The following MFSD8 variants were observed in gnomAD, a reference collection of about 807,000 sequenced individuals.
MFSD8 encodes the protein major facilitator superfamily domain-containing protein 8.
In MFSD8, 55 loss-of-function variants were observed where a neutral mutation model predicts 66.4. The ratio of observed to expected loss-of-function variants is 0.83; its 90% CI spans 0.67 to 1.04. The LOEUF (loss-of-function observed/expected upper bound fraction) is 1.04. MFSD8 is among the 50% of genes least tolerant of loss of function. The pLI, the probability that MFSD8 is intolerant of heterozygous loss-of-function variation, is 0.00. For synonymous variants in MFSD8, 202 were observed against 212.8 expected, an observed-to-expected ratio of 0.95 and a Z score of 0.44; for missense variants, 550 against 627.6, an observed-to-expected ratio of 0.88 and a Z score of 1.32.
Position 127,949,920 on chromosome 4 carries a change from C to T in MFSD8, c.155-73G>A, listed in dbSNP as rs558597135. On this transcript the variant is annotated intron_variant, in intron 2 of 11. Coordinates refer to ENST00000641686, the MANE Select transcript of MFSD8 (RefSeq NM_001371596.2). ...TTATTACAGATACAATTTTCTGAAC[C>T]GTGGCATGGATTTTAAAATATTCTG... 1,551 of 1,342,486 alleles carry T rather than the reference C, an allele frequency of 1.2e-3. 41 individuals are homozygous for T. In the South Asian group the frequency reaches 0.02, roughly 17 times the overall value. 83.2% of individuals were successfully genotyped at this position (1,342,486 alleles called of 1,614,324 possible). A position where few individuals can be genotyped will look rare whatever the true frequency, so the allele number is the denominator to read the frequency against.
At chr4:127,957,346 T>G (rs1357038289) in intron 2 of MFSD8, among the ~76,000 whole-genome samples, 155 bp downstream of exon 2, 2 of 152,210 alleles carry the variant, frequency 1.3e-5, no homozygotes, top group Non-Finnish European at 2.9e-5. Flanking sequence ...TACTTAAGGC[T>G]ATTGAACTTA....
At position 127,939,899 on chromosome 4, in the gene MFSD8, C is replaced by A. The variant is rs368614789; in HGVS notation, c.652G>T (p.Ala218Ser). ...ATAATATTTAAAATTCCCAGGAAGG[C>A]GCTAAGTAAAACTGGTGTTGTATAC... is the stretch of plus-strand genomic sequence containing the variant. Reference protein sequence around the residue: ...NMYTTPVLLSAFLGILNIILI... With the variant: ...NMYTTPVLLSSFLGILNIILI... The change falls in exon 6 of 12, where the codon GCC becomes TCC. Residue 218 changes from alanine (A) to serine (S), a missense_variant. Physicochemically the swap from Ala to Ser is moderately conservative, Grantham distance 99 (BLOSUM62 1). Transcript: ENST00000641686. 3.1e-6 allele frequency: 5 copies of A among 1,613,310 alleles called. No homozygotes were observed. Among genetic ancestry groups the A allele is most frequent in the Non-Finnish European group, 4.2e-6 (5 of 1,179,654 alleles).
intron 4 of MFSD8, 93 bp from the exon 5 acceptor site, chr4:127,942,251 CTTGG>C: frequency 1.0e-6 from 1 of 972,490 alleles, no homozygotes; most frequent in Non-Finnish European, 1.6e-6. Flanking sequence ...AAGAAGAAAT[CTTGG>C]TCAACAGTAC....
At chr4:127,949,772 T>C (rs1741640997) in intron 3 of MFSD8, 32 bp downstream of exon 3, 1 of 1,593,924 alleles carries the variant, frequency 6.3e-7, no homozygotes, top group Non-Finnish European at 8.6e-7. Flanking sequence ...CTACTGTAGC[T>C]ATAAGGGAAA....
intron 9 of MFSD8, among the ~76,000 whole-genome samples, chr4:127,925,971 C>T (rs62335591): frequency 0.035 from 5,307 of 152,060 alleles, 167 homozygotes; most frequent in Middle Eastern, 0.14. Context: ...CCATCATTCT[C>T]AGCAAACACA....
chr4:127,953,726 G>A (rs1010901768), intron 2 of MFSD8, among the ~76,000 whole-genome samples: 1 of 151,338 alleles, frequency 6.6e-6, no homozygotes, highest in Non-Finnish European at 1.5e-5. Context: ...CTCGTGATCC[G>A]CCCGCCTCAG....
Position 127,961,607 on chromosome 4 carries a change from G to T in MFSD8, c.62+3465C>A, listed in dbSNP as rs535967484. On this transcript the variant is annotated intron_variant, in intron 1 of 11. Transcript: ENST00000641686. ...AGGCGGGCGGATCACGAGGTCAGGA[G>T]ATCGAGACCATCCTGGCTAACACGG... 5.3e-5 allele frequency among the ~76,000 whole-genome samples: 8 copies of T among 152,170 alleles called. No individual in the cohort carries two copies. In the South Asian group the frequency reaches 1.5e-3, roughly 28 times the overall value.
chr4:127,944,975 G>A (rs1017542356), intron 3 of MFSD8, among the ~76,000 whole-genome samples: 2 of 152,190 alleles, frequency 1.3e-5, no homozygotes, highest in African/African-American at 2.4e-5. Context: ...TTAGTGGCAT[G>A]AGCCACCGCA....
chr4:127,922,640 T>G (rs1199075651), intron 9 of MFSD8, among the ~76,000 whole-genome samples: 8 of 149,318 alleles, frequency 5.4e-5, no homozygotes, highest in Non-Finnish European at 1.2e-4. Context: ...AAAAAAAAAG[T>G]GTTATAATCT....
chr4:127,937,731 G>T (rs1239825262), intron 7 of MFSD8, among the ~76,000 whole-genome samples: 1 of 152,114 alleles, frequency 6.6e-6, no homozygotes, highest in African/African-American at 2.4e-5. Flanking sequence ...ATTAGCCTCT[G>T]CATGGAATCA....
chr4:127,956,993 T>C (rs1743003244), intron 2 of MFSD8, among the ~76,000 whole-genome samples: 1 of 152,210 alleles, frequency 6.6e-6, no homozygotes, highest in Non-Finnish European at 1.5e-5. Flanking sequence ...TTAGTCTTTC[T>C]TTTGTCAGCT....
chr4:127,931,928 G>C (rs886999198), intron 8 of MFSD8, among the ~76,000 whole-genome samples: 1 of 152,082 alleles, frequency 6.6e-6, no homozygotes, highest in East Asian at 1.9e-4. Flanking sequence ...GGGCAACATG[G>C]GGAAATCCTG....
At chr4:127,936,055 G>A (rs1739019626) in intron 7 of MFSD8, among the ~76,000 whole-genome samples, 3 of 151,558 alleles carry the variant, frequency 2.0e-5, no homozygotes, top group South Asian at 4.1e-4. Context: ...AATATGTTCT[G>A]TGCCATATTT....
chr4:127,961,677 G>A (rs552560293), intron 1 of MFSD8, among the ~76,000 whole-genome samples: 7 of 151,984 alleles, frequency 4.6e-5, no homozygotes, highest in Admixed American at 6.6e-5. Context: ...TTAGCCCGGC[G>A]TGGTGACGGG....
intron 9 of MFSD8, among the ~76,000 whole-genome samples, chr4:127,927,518 T>C: frequency 6.6e-6 from 1 of 152,184 alleles, no homozygotes; most frequent in South Asian, 2.1e-4. Flanking sequence ...TGATGATCAG[T>C]TTATCAGGAT....
chr4:127,935,484 T>C (rs1018479819), intron 7 of MFSD8, among the ~76,000 whole-genome samples: 4 of 152,216 alleles, frequency 2.6e-5, no homozygotes, highest in African/African-American at 9.7e-5. Flanking sequence ...TTAGAAATTA[T>C]AATCCTGTCT....
At chr4:127,924,555 G>A (rs941698449) in intron 9 of MFSD8, among the ~76,000 whole-genome samples, 1 of 152,092 alleles carries the variant, frequency 6.6e-6, no homozygotes, top group Non-Finnish European at 1.5e-5. Context: ...ACCTCTTCAA[G>A]GAGAACTACA....
chr4:127,921,403 A>AT, intron 11 of MFSD8, 121 bp downstream of exon 11: 1 of 1,515,426 alleles, frequency 6.6e-7, no homozygotes, highest in Non-Finnish European at 9.0e-7. Context: ...AAAATTTTAA[A>AT]TGCTGAATAT....
rs199986131 is a variant in MFSD8 at position 127,939,605 on chromosome 4, A to C, written c.698+248T>G. The C allele has an allele frequency of 0.018, 93 of 5,110 alleles. 1 individual carries two copies. The East Asian group carries it at 0.31, about 17-fold the overall frequency. The allele number at this position is 5,110 out of a possible 1,614,324, so 0.3% of individuals were successfully genotyped here. On this transcript the variant is annotated intron_variant, in intron 6 of 11. Coordinates refer to ENST00000641686, the MANE Select transcript of MFSD8 (RefSeq NM_001371596.2). ...GAGCAACAGAGTAAGATCTTGTCTC[A>C]AAAAAAAAAAAAAAAAAAAAAAAAA... is the stretch of plus-strand genomic sequence containing the variant.
Sources: allele counts gnomAD v4.1 joint callset (sites outside exome capture counted in the v4.1 genomes callset), GRCh38; gene constraint gnomAD v4.1.1; transcripts MANE v1.5; gene names NCBI Gene and HGNC (gene_info 2026-07-23, HGNC 2026-07-21).